Variants in TRAP1 observed in about 807,000 individuals in gnomAD.
TRAP1 encodes the protein heat shock protein 75 kDa, mitochondrial.
In TRAP1, 102 loss-of-function variants were observed where a neutral mutation model predicts 89.1. The ratio of observed to expected loss-of-function variants is 1.15; its 90% CI spans 0.98 to 1.35. The LOEUF (loss-of-function observed/expected upper bound fraction) is 1.35. Among genes scored for constraint, TRAP1 ranks in the 40% most tolerant of loss-of-function variants. TRAP1 has a pLI of 0.00. For missense variants in TRAP1, 1,256 were observed against 945.3 expected, an observed-to-expected ratio of 1.33 and a Z score of -4.31; for synonymous variants, 508 against 388.0, an observed-to-expected ratio of 1.31 and a Z score of -3.64.
At chr16:3,682,410 C>T (rs900266153) in intron 4 of TRAP1, among the ~76,000 whole-genome samples, 11 of 147,536 alleles carry the variant, frequency 7.5e-5, no homozygotes, top group Non-Finnish European at 1.6e-4. Flanking sequence ...AAAAAAATTT[C>T]TCGCTCTGTC....
At chr16:3,704,948 C>T (rs2051420142) in intron 1 of TRAP1, among the ~76,000 whole-genome samples, 1 of 151,712 alleles carries the variant, frequency 6.6e-6, no homozygotes, top group South Asian at 2.1e-4. Context: ...TGAAAGAAAA[C>T]ATGAAAGATT....
intron 1 of TRAP1, among the ~76,000 whole-genome samples, chr16:3,698,671 C>A (rs1183725243): frequency 2.6e-5 from 4 of 151,910 alleles, no homozygotes; most frequent in African/African-American, 9.7e-5. Flanking sequence ...CTTTGGGAGG[C>A]CAAGGCCGGG....
chr16:3,676,138 C>G lies in TRAP1; in HGVS notation c.712G>C (p.Val238Leu), dbSNP rs1355622302. 6.2e-7 allele frequency: 1 copy of G among 1,613,550 alleles called. No individual in the cohort carries two copies. The highest frequency in any genetic ancestry group is 8.5e-7 in the Non-Finnish European group (1 of 1,179,796). The change falls in exon 7 of 18, where the codon GTG becomes CTG. Residue 238 changes from valine (V) to leucine (L), a missense_variant. Val to Leu is a conservative substitution (Grantham distance 32, BLOSUM62 1). Coordinates refer to ENST00000246957, the MANE Select transcript of TRAP1 (RefSeq NM_016292.3). ...CCCGAAGCTTCGGCGATTTCAAACACTCCAGAACTAAGGCAGGCAAAGAAA... is the reference window on the plus strand; with the variant it reads ...CCCGAAGCTTCGGCGATTTCAAACAGTCCAGAACTAAGGCAGGCAAAGAAA... ...GYQWLSDGSG[V>L]FEIAEASGVR...
chr16:3,708,667 T>C (rs1457541375), intron 1 of TRAP1, among the ~76,000 whole-genome samples: 6 of 151,166 alleles, frequency 4.0e-5, no homozygotes, highest in African/African-American at 1.5e-4. Flanking sequence ...TAAAAATAAA[T>C]GAGCCGGGCA....
At chr16:3,662,241 T>A in intron 15 of TRAP1, 109 bp from the exon 16 acceptor site, 1 of 1,340,256 alleles carries the variant, frequency 7.5e-7, no homozygotes, top group Admixed American at 2.3e-5. Context: ...GCAGGCGGGG[T>A]CTCAAGGACT....
At chr16:3,693,769 A>C (rs1444665259) in intron 1 of TRAP1, among the ~76,000 whole-genome samples, 1 of 152,052 alleles carries the variant, frequency 6.6e-6, no homozygotes, top group African/African-American at 2.4e-5. Flanking sequence ...AAGGCAGGAG[A>C]ATCGCTTGAG....
intron 11 of TRAP1, among the ~76,000 whole-genome samples, chr16:3,668,872 G>T (rs1185469343): frequency 6.6e-6 from 1 of 152,188 alleles, no homozygotes. Context: ...CAGTGGAGAA[G>T]AAATACTCAG....
intron 8 of TRAP1, chr16:3,674,706 T>C (rs1298424060): frequency 1.7e-6 from 1 of 604,648 alleles, no homozygotes; most frequent in Non-Finnish European, 2.9e-6. Flanking sequence ...CAGGAGCTCC[T>C]CAGGACAACA....
Position 3,691,095 on chromosome 16 carries a change from G to C in TRAP1, c.89-110C>G. The C allele has an allele frequency of 2.8e-6, 3 of 1,079,140 alleles. No homozygotes were observed. The South Asian group carries it at 6.8e-5, about 25-fold the overall frequency. The allele number at this position is 1,079,140 out of a possible 1,614,324, so 66.8% of individuals were successfully genotyped here. A position where few individuals can be genotyped will look rare whatever the true frequency, so the allele number is the denominator to read the frequency against. ...CAGAAGCTAGCGTGGACATCTCTAA[G>C]TCGGGCTGTTGCTGAAAGAGAAATC... On this transcript the variant is annotated intron_variant, in intron 1 of 17. Coordinates refer to ENST00000246957, the MANE Select transcript of TRAP1 (RefSeq NM_016292.3).
chr16:3,672,724 G>T lies in TRAP1; in HGVS notation c.1141C>A (p.Pro381Thr), dbSNP rs770225545. 2 of 1,610,156 alleles carry T rather than the reference G, an allele frequency of 1.2e-6. No homozygotes were observed. The highest frequency in any genetic ancestry group is 2.2e-5 in the South Asian group (2 of 90,146). Residue 381 changes from proline to threonine, a missense_variant, in exon 10 of 18, where the codon CCC (proline) becomes ACC (threonine). Transcript: ENST00000246957. ...LIQTKATDIL[P>T]KWLRFIRGVV... ...CCTCGGATGAAGCGCAGCCACTTGGGCAGGATGTCCGTGGCCTTGGTCTGG... is the reference window on the plus strand; with the variant it reads ...CCTCGGATGAAGCGCAGCCACTTGGTCAGGATGTCCGTGGCCTTGGTCTGG...
chr16:3,707,895 A>T (rs1800877948), intron 1 of TRAP1, among the ~76,000 whole-genome samples: 1 of 151,710 alleles, frequency 6.6e-6, no homozygotes, highest in Admixed American at 6.6e-5. Context: ...ATTAAGAAAA[A>T]AACTGGGGGC....
At position 3,671,653 on chromosome 16, in the gene TRAP1, T is replaced by G. The variant is rs977423817; in HGVS notation, c.1235+69A>C. 5.8e-6 allele frequency: 9 copies of G among 1,548,888 alleles called. No homozygotes were observed. The African/African-American group carries it at 9.5e-5, about 16-fold the overall frequency. ...GCTCCATGGGCCACGGCTAGGGCCC[T>G]CTGGGGGCAAAGGAGCAGGTAGGGG... On this transcript the variant is annotated intron_variant, in intron 11 of 17. Transcript: ENST00000246957.
At chr16:3,664,198 C>T (rs978707091) in intron 13 of TRAP1, 76 bp downstream of exon 13, 2 of 1,424,612 alleles carry the variant, frequency 1.4e-6, no homozygotes, top group South Asian at 3.0e-5. Flanking sequence ...CAGGTTCACC[C>T]AGCACAGAGC....
chr16:3,661,935 A>G lies in TRAP1; in HGVS notation c.1940+52T>C, dbSNP rs377702540. 3.0e-3 allele frequency: 4,667 copies of G among 1,534,510 alleles called. 20 individuals are homozygous for G. Among genetic ancestry groups the G allele is most frequent in the Non-Finnish European group, 3.8e-3 (4,305 of 1,141,480 alleles). On this transcript the variant is annotated intron_variant, in intron 16 of 17. Coordinates refer to ENST00000246957, the MANE Select transcript of TRAP1 (RefSeq NM_016292.3). The stretch of plus-strand genomic sequence containing the variant: ...ATTCCACAACAAAAGAACACCACAC[A>G]CAGGATTCTGGGGAATCCCACAGGC...
chr16:3,711,190 T>C (rs986046687), intron 1 of TRAP1, among the ~76,000 whole-genome samples: 1 of 152,086 alleles, frequency 6.6e-6, no homozygotes, highest in Non-Finnish European at 1.5e-5. Flanking sequence ...TTTTACCTTC[T>C]AGCCACATTT....
At chr16:3,669,071 TC>T (rs1423500078) in intron 11 of TRAP1, among the ~76,000 whole-genome samples, 1 of 152,024 alleles carries the variant, frequency 6.6e-6, no homozygotes, top group Non-Finnish European at 1.5e-5. Context: ...ACCTGGAACC[TC>T]CCCTCCTGTG....
Position 3,662,312 on chromosome 16 carries a change from C to T in TRAP1, c.1795-180G>A, listed in dbSNP as rs1372594197. 1.1e-5 allele frequency: 8 copies of T among 741,486 alleles called. No individual in the cohort carries two copies. In the African/African-American group the frequency reaches 1.2e-4, roughly 12 times the overall value. 45.9% of individuals were successfully genotyped at this position (741,486 alleles called of 1,614,324 possible). A position where few individuals can be genotyped will look rare whatever the true frequency, so the allele number is the denominator to read the frequency against. ...CTAACTTGTGGGCCCTGAGCTGATG[C>T]CCCACGCAAAGATACTGTGCCCGAG... On this transcript the variant is annotated intron_variant, in intron 15 of 17. Coordinates refer to ENST00000246957, the MANE Select transcript of TRAP1 (RefSeq NM_016292.3).
At chr16:3,698,884 T>C (rs961878872) in intron 1 of TRAP1, among the ~76,000 whole-genome samples, 4 of 149,716 alleles carry the variant, frequency 2.7e-5, no homozygotes, top group African/African-American at 9.9e-5. Flanking sequence ...AGGCCCTGTC[T>C]CAAAAAAAAA....
At position 3,661,833 on chromosome 16, in the gene TRAP1, G is replaced by A; in HGVS notation, c.1940+154C>T. On this transcript the variant is annotated intron_variant, in intron 16 of 17. Coordinates refer to ENST00000246957, the MANE Select transcript of TRAP1 (RefSeq NM_016292.3). ...GCTGGCCAGGTTCCATTTCACATGG[G>A]TGCAGCCTAAACTGCATACAGCTCC... is the stretch of plus-strand genomic sequence containing the variant. 8.0e-6 allele frequency: 8 copies of A among 1,001,490 alleles called. No individual in the cohort carries two copies. The Middle Eastern group carries it at 1.2e-3, about 145-fold the overall frequency. 62.0% of individuals were successfully genotyped at this position (1,001,490 alleles called of 1,614,324 possible). A position where few individuals can be genotyped will look rare whatever the true frequency, so the allele number is the denominator to read the frequency against.
Sources: gnomAD v4.1 joint callset for allele counts (sites outside exome capture counted in the v4.1 genomes callset) on GRCh38, gnomAD v4.1.1 for gene constraint, MANE v1.5 for transcripts, NCBI Gene and HGNC (gene_info 2026-07-23, HGNC 2026-07-21) for gene names.